Variants in HIPK1 observed in about 807,000 individuals in gnomAD.
HIPK1 encodes the protein homeodomain-interacting protein kinase 1.
Under a neutral mutation model 117.1 loss-of-function variants are expected in HIPK1, and 28 were observed. That is an observed-to-expected ratio of 0.24 (90% CI 0.18 to 0.33). The LOEUF is 0.33. Among genes scored for constraint, HIPK1 ranks in the 10% least tolerant of loss-of-function variants. HIPK1 has a pLI of 1.00. For missense variants in HIPK1, 1,122 were observed against 1,475.1 expected (o/e 0.76, Z 3.92); for synonymous variants, 605 against 562.5 (o/e 1.08, Z -1.07).
At chr1:113,929,812 G>A in intron 1 of HIPK1, 1 of 982,660 alleles carries the variant, frequency 1.0e-6, no homozygotes, top group East Asian at 1.1e-4. Context: ...TCCGGGGGGC[G>A]GGGGCCGGGG....
intron 2 of HIPK1, among the ~76,000 whole-genome samples, chr1:113,945,887 T>G (rs1206787127): frequency 2.0e-5 from 3 of 152,202 alleles, no homozygotes; most frequent in Admixed American, 6.5e-5. Flanking sequence ...ACAAAAACCA[T>G]AATTGCTTTT....
At chr1:113,947,042 G>A (rs1482938239) in intron 2 of HIPK1, among the ~76,000 whole-genome samples, 1 of 152,170 alleles carries the variant, frequency 6.6e-6, no homozygotes, top group African/African-American at 2.4e-5. Context: ...GGCTGGTGAA[G>A]CATTTTGACT....
intron 13 of HIPK1, among the ~76,000 whole-genome samples, chr1:113,969,122 TCTTG>T (rs1672657203): frequency 6.6e-6 from 1 of 152,126 alleles, no homozygotes; most frequent in Non-Finnish European, 1.5e-5. Context: ...GGGAATGACC[TCTTG>T]CTTTTACCTG....
intron 6 of HIPK1, 76 bp from the exon 7 acceptor site, chr1:113,957,047 TC>T: frequency 1.6e-6 from 2 of 1,230,968 alleles, no homozygotes; most frequent in Non-Finnish European, 2.3e-6. Context: ...AAAGCTTTGA[TC>T]CATGTTCATC....
In HIPK1 at chr1:113,966,219, C is replaced by G. The variant is rs749618840; in HGVS notation, c.2328C>G (p.Pro776=). Residue 776 remains proline (P), a synonymous_variant, in exon 11 of 16, where the codon CCC becomes CCG. Coordinates refer to ENST00000426820, the MANE Select transcript of HIPK1 (RefSeq NM_198268.3). ...TAGCTCTACACAACTCTGTCCAGCC[C>G]ACAGCAATGATTCCAGAGGCCATGG... ...PGVALHNSVQ[P]TAMIPEAMGS... 1 of 1,614,102 alleles carries G rather than the reference C, an allele frequency of 6.2e-7. No individual in the cohort carries two copies. Among genetic ancestry groups the G allele is most frequent in the East Asian group, 2.2e-5 (1 of 44,878 alleles).
At position 113,967,053 on chromosome 1, in the gene HIPK1, C is replaced by G. The variant is rs537235154; in HGVS notation, c.2382-713C>G. ...ATCTTGAGTTCCATCCATGTTGTTG[C>G]AAATGACAACGTGTACTTTTTGTGG... On this transcript the variant is annotated intron_variant, in intron 11 of 15. Coordinates refer to ENST00000426820, the MANE Select transcript of HIPK1 (RefSeq NM_198268.3). Among the ~76,000 whole-genome samples, 5 of 152,252 alleles carry G rather than the reference C, an allele frequency of 3.3e-5. No individual in the cohort carries two copies. In the South Asian group the frequency reaches 1.0e-3, roughly 32 times the overall value.
At position 113,967,844 on chromosome 1, in the gene HIPK1, C is replaced by T. The variant is rs1038348630; in HGVS notation, c.2460C>T (p.Ala820=). 53 of 1,612,450 alleles carry T rather than the reference C, an allele frequency of 3.3e-5. No individual in the cohort carries two copies. The highest frequency in any genetic ancestry group is 4.2e-5 in the Non-Finnish European group (49 of 1,179,696). Residue 820 remains alanine (A), a synonymous_variant, in exon 12 of 16, where the codon GCC becomes GCT. Transcript: ENST00000426820. ...TGCTGACTAACCATGTGACATTGGC[C>T]ACTGCTCAGCCTCTGAATGTTGGTG... is the stretch of plus-strand genomic sequence containing the variant. ...PSLLTNHVTL[A]TAQPLNVGVA...
Position 113,955,610 on chromosome 1 carries a change from T to C in HIPK1, c.1368T>C (p.Ala456=). The C allele has an allele frequency of 1.9e-6, 3 of 1,608,190 alleles. No homozygotes were observed. Among genetic ancestry groups the C allele is most frequent in the South Asian group, 2.2e-5 (2 of 90,812 alleles). ...AGACTGGAATAAAATCAAAAGAAGC[T>C]CGGAAGTACATTTTTAATTGCTTAG... ...ELETGIKSKE[A]RKYIFNCLDD... is the part of the protein sequence containing the mutation. Residue 456 remains alanine, a synonymous_variant, in exon 5 of 16, where the codon GCT becomes GCC. Transcript: ENST00000426820.
chr1:113,968,579 C>G lies in HIPK1; in HGVS notation c.2702C>G (p.Pro901Arg), dbSNP rs200714978. ...QPIIIPDTPS[P>R]PVSVITIRSD... ...ATCATCATTCCAGATACTCCCAGCC[C>G]TCCTGTGAGTGTCATCACTATCCGA... The change falls in exon 13 of 16, where the codon CCT (proline) becomes CGT (arginine). Residue 901 changes from proline (P) to arginine (R), a missense_variant. Coordinates refer to ENST00000426820, the MANE Select transcript of HIPK1 (RefSeq NM_198268.3). 9.9e-6 allele frequency: 16 copies of G among 1,613,742 alleles called. No individual in the cohort carries two copies. Among genetic ancestry groups the G allele is most frequent in the Non-Finnish European group, 3.4e-6 (4 of 1,179,740 alleles).
rs1382564470 is a variant in HIPK1 at position 113,937,146 on chromosome 1, A to G, written c.-2-3236A>G. Among the ~76,000 whole-genome samples the G allele has an allele frequency of 2.6e-5, 4 of 152,280 alleles. No individual in the cohort carries two copies. In the East Asian group the frequency reaches 7.7e-4, roughly 29 times the overall value. On this transcript the variant is annotated intron_variant, in intron 1 of 15. Transcript: ENST00000426820. ...TAAATTGTACTGACCTTAGCTTTTA[A>G]TTTGTACTTTTTTTTCTCTTCAAAG... is the stretch of plus-strand genomic sequence containing the variant.
intron 1 of HIPK1, among the ~76,000 whole-genome samples, chr1:113,930,254 G>T (rs1309586919): frequency 6.6e-6 from 1 of 152,248 alleles, no homozygotes; most frequent in Non-Finnish European, 1.5e-5. Flanking sequence ...CTCCTCACTC[G>T]GCCGGTTTTT....
chr1:113,941,467 G>C lies in HIPK1; in HGVS notation c.1076+8G>C. The C allele has an allele frequency of 6.2e-7, 1 of 1,601,150 alleles. No homozygotes were observed. The highest frequency in any genetic ancestry group is 8.5e-7 in the Non-Finnish European group (1 of 1,170,666). Reference sequence around the variant, plus strand: ...ACAGTCACGTTACTACAGGCAAGTGGCAAATGCTGAAAATCGTATCTTAGG... The same window carrying C: ...ACAGTCACGTTACTACAGGCAAGTGCCAAATGCTGAAAATCGTATCTTAGG... On this transcript the variant is annotated splice_region_variant and intron_variant, in intron 2 of 15. Coordinates refer to ENST00000426820, the MANE Select transcript of HIPK1 (RefSeq NM_198268.3). This position sits in a 1 kb window ranked among gnomAD's most constrained non-coding sequence, Gnocchi z 4.9.
intron 2 of HIPK1, chr1:113,951,161 A>G: frequency 1.1e-6 from 1 of 900,214 alleles, no homozygotes; most frequent in Non-Finnish European, 1.3e-6. Context: ...GGCAATATTT[A>G]TGTGTCATTT....
chr1:113,956,920 C>G (rs1428651331), intron 6 of HIPK1, 109 bp downstream of exon 6: 1 of 1,062,716 alleles, frequency 9.4e-7, no homozygotes, highest in Non-Finnish European at 1.4e-6. Context: ...ATAAATCTGG[C>G]TCAGCAGTGC....
In HIPK1 at chr1:113,973,495, C is replaced by CAGTATTCCTACTTATAGTTGGTG; in HGVS notation, c.3619_*8dup. On this transcript the variant is annotated stop_gained and frameshift_variant, in exon 16 of 16. Coordinates refer to ENST00000426820, the MANE Select transcript of HIPK1 (RefSeq NM_198268.3). LOFTEE classifies it high-confidence loss of function. Reference sequence around the variant, plus strand: ...CCCGCTGAGTCCTACCAAGATCAGCCAGTATTCCTACTTATAGTTGGTGAG... The same window carrying CAGTATTCCTACTTATAGTTGGTG: ...CCCGCTGAGTCCTACCAAGATCAGCCAGTATTCCTACTTATAGTTGGTGAGTATTCCTACTTATAGTTGGTGAG... 1 of 1,592,034 alleles carries CAGTATTCCTACTTATAGTTGGTG rather than the reference C, an allele frequency of 6.3e-7. No individual in the cohort carries two copies. Among genetic ancestry groups the CAGTATTCCTACTTATAGTTGGTG allele is most frequent in the Non-Finnish European group, 8.6e-7 (1 of 1,166,808 alleles).
intron 2 of HIPK1, chr1:113,951,374 A>T: frequency 1.5e-6 from 1 of 689,524 alleles, no homozygotes; most frequent in South Asian, 6.6e-5. Context: ...TTCAAATCCT[A>T]GCTCTGCCAC....
chr1:113,938,472 T>C (rs1440206449), intron 1 of HIPK1, among the ~76,000 whole-genome samples: 1 of 151,974 alleles, frequency 6.6e-6, no homozygotes, highest in African/African-American at 2.4e-5. Flanking sequence ...AGCAAGATGG[T>C]TAAGAAGAGA....
chr1:113,956,999 A>G (rs1218875908), intron 6 of HIPK1, 125 bp from the exon 7 acceptor site: 4 of 926,124 alleles, frequency 4.3e-6, no homozygotes, highest in South Asian at 3.4e-5. Flanking sequence ...TGATTATACA[A>G]ATTCTTGATT....
chr1:113,948,933 G>A (rs1558133617), intron 2 of HIPK1, among the ~76,000 whole-genome samples: 1 of 152,076 alleles, frequency 6.6e-6, no homozygotes, highest in Non-Finnish European at 1.5e-5. Flanking sequence ...TGCCCCCCGG[G>A]TTCAAGCGAT....
Sources: allele counts gnomAD v4.1 joint callset (sites outside exome capture counted in the v4.1 genomes callset), GRCh38; gene constraint gnomAD v4.1.1; non-coding constraint Gnocchi (gnomAD v3.1); transcripts MANE v1.5; gene names NCBI Gene and HGNC (gene_info 2026-07-23, HGNC 2026-07-21).